The following CTCF variants were observed in gnomAD, a reference collection of about 807,000 sequenced individuals.
CTCF encodes CCCTC-binding factor.
In CTCF, 7 loss-of-function variants were observed where a neutral mutation model predicts 72.3. That is an observed-to-expected ratio of 0.10 (90% CI 0.06 to 0.18). The LOEUF is 0.18. Ranked by LOEUF, CTCF falls within the 10% of genes least tolerant of loss-of-function variation. CTCF has a pLI of 1.00. For missense variants in CTCF, 516 were observed against 949.1 expected (o/e 0.54, Z 6.00); for synonymous variants, 374 against 315.8 (o/e 1.18, Z -1.95).
chr16:67,618,897 AAT>A (rs2142843506), intron 5 of CTCF, among the ~76,000 whole-genome samples: 2 of 152,390 alleles, frequency 1.3e-5, no homozygotes, highest in East Asian at 3.9e-4. Flanking sequence ...CAACTGGAAG[AAT>A]AAATATGAAT....
At chr16:67,583,256 G>A (rs2051615361) in intron 2 of CTCF, among the ~76,000 whole-genome samples, 1 of 151,804 alleles carries the variant, frequency 6.6e-6, no homozygotes, top group Non-Finnish European at 1.5e-5. Context: ...CAAAGTGCTA[G>A]GATTACAGGC....
rs552678253 is a variant in CTCF, at chr16:67,563,026, T to C, written c.-127+302T>C. On this transcript the variant is annotated intron_variant, in intron 1 of 11. Coordinates refer to ENST00000264010, the MANE Select transcript of CTCF (RefSeq NM_006565.4). ...GCGCGCCCGGCGACTCCATTTTCCT[T>C]CCTTTGTCTGCCCTCGAGGCCGGTT... is the stretch of plus-strand genomic sequence containing the variant. Among the ~76,000 whole-genome samples, 3 of 149,596 alleles carry C rather than the reference T, an allele frequency of 2.0e-5. No individual in the cohort carries two copies. The East Asian group carries it at 6.0e-4, about 30-fold the overall frequency.
chr16:67,611,164 G>A lies in CTCF; in HGVS notation c.332G>A (p.Gly111Glu), dbSNP rs2052056734. The A allele has an allele frequency of 6.2e-7, 1 of 1,614,056 alleles. No homozygotes were observed. The highest frequency in any genetic ancestry group is 1.7e-5 in the Admixed American group (1 of 59,988). Residue 111 changes from glycine (G) to glutamate (E), a missense_variant, in exon 3 of 12, where the codon GGA becomes GAA. By Grantham distance (98) the Gly-to-Glu change is moderately conservative. Around this residue, in one of 7 missense-constraint regions of CTCF, gnomAD observed 148 missense variants for 194.9 expected, o/e 0.76. Coordinates refer to ENST00000264010, the MANE Select transcript of CTCF (RefSeq NM_006565.4). Reference protein sequence around the residue: ...VNMEEQPINIGELQLVQVPVP... With the variant: ...VNMEEQPINIEELQLVQVPVP... ...ATGGAGGAACAGCCCATAAACATAG[G>A]AGAACTTCAGCTTGTTCAAGTACCT...
In CTCF at chr16:67,622,078, C is replaced by T. The variant is rs1199758886; in HGVS notation, c.1357+487C>T. On this transcript the variant is annotated intron_variant, in intron 7 of 11. Transcript: ENST00000264010. ...TTTATTAATAATATTTAGTGTAGGC[C>T]GGGCGCGGCAGCTCACACCTGTAAT... Among the ~76,000 whole-genome samples, 5 of 151,928 alleles carry T rather than the reference C, an allele frequency of 3.3e-5. 1 individual carries two copies. The highest frequency in any genetic ancestry group is 2.1e-4 in the South Asian group (1 of 4,818).
At chr16:67,587,582 C>T (rs569500377) in intron 2 of CTCF, among the ~76,000 whole-genome samples, 1 of 150,860 alleles carries the variant, frequency 6.6e-6, no homozygotes, top group East Asian at 2.0e-4. Flanking sequence ...GTCCTTACTA[C>T]CTAGAGATTG....
At chr16:67,600,097 A>G (rs2051866916) in intron 2 of CTCF, among the ~76,000 whole-genome samples, 1 of 152,158 alleles carries the variant, frequency 6.6e-6, no homozygotes, top group African/African-American at 2.4e-5. Context: ...ACTGAGATTT[A>G]GAAAGAGGGA....
In CTCF at chr16:67,621,485, C is replaced by T; in HGVS notation, c.1251C>T (p.Thr417=). ...GTTATATTTGTCATGCTCGGTTTAC[C>T]CAAAGTGGTACCATGAAGATGCACA... The part of the protein sequence containing the change: ...YECYICHARF[T]QSGTMKMHIL... Residue 417 remains threonine (T), a synonymous_variant, in exon 7 of 12, where the codon ACC becomes ACT. Coordinates refer to ENST00000264010, the MANE Select transcript of CTCF (RefSeq NM_006565.4). 3 of 1,611,328 alleles carry T rather than the reference C, an allele frequency of 1.9e-6. No homozygotes were observed. The highest frequency in any genetic ancestry group is 2.5e-6 in the Non-Finnish European group (3 of 1,177,820).
intron 2 of CTCF, among the ~76,000 whole-genome samples, chr16:67,576,770 T>C (rs1187890396): frequency 6.6e-6 from 1 of 152,038 alleles, no homozygotes; most frequent in African/African-American, 2.4e-5. Context: ...GACCTCGTAA[T>C]CCGCCTGCCT....
chr16:67,571,975 G>A (rs140005335), intron 2 of CTCF, among the ~76,000 whole-genome samples: 1,567 of 152,148 alleles, frequency 0.01, 24 homozygotes, highest in Non-Finnish European at 0.017. Context: ...TCTTCTCACG[G>A]TACCGGAAAG....
intron 8 of CTCF, 196 bp downstream of exon 8, chr16:67,626,911 TCA>T: frequency 2.5e-6 from 1 of 398,352 alleles, no homozygotes; most frequent in Non-Finnish European, 4.4e-6. Flanking sequence ...TTTTATTCAG[TCA>T]CAGCTTACCT....
chr16:67,563,579 C>T (rs979921114), intron 1 of CTCF: 2 of 152,226 alleles, frequency 1.3e-5, no homozygotes, highest in Admixed American at 6.5e-5. Context: ...TGCGGCCCCC[C>T]CACGGTGGGC....
At position 67,638,704 on chromosome 16, in the gene CTCF, C is replaced by T. The variant is rs895777519; in HGVS notation, c.*832C>T. 8.8e-6 allele frequency: 2 copies of T among 227,654 alleles called. No individual in the cohort carries two copies. Among genetic ancestry groups the T allele is most frequent in the African/African-American group, 4.4e-5 (2 of 44,984 alleles). The allele number at this position is 227,654 out of a possible 1,614,324, so 14.1% of individuals were successfully genotyped here. ...TTAACTTTCAGTTATGATTTCCCAT[C>T]GACATTTTCTTTGCCCTGTTTGTAG... On this transcript the variant is annotated 3_prime_UTR_variant, in exon 12 of 12. Coordinates refer to ENST00000264010, the MANE Select transcript of CTCF (RefSeq NM_006565.4).
chr16:67,599,720 T>C (rs2051862374), intron 2 of CTCF, among the ~76,000 whole-genome samples: 1 of 152,174 alleles, frequency 6.6e-6, no homozygotes, highest in Admixed American at 6.5e-5. Context: ...TCTTAGGAGC[T>C]CCATTTTATG....
At chr16:67,569,681 A>G (rs1470141197) in intron 1 of CTCF, among the ~76,000 whole-genome samples, 1 of 150,814 alleles carries the variant, frequency 6.6e-6, no homozygotes, top group African/African-American at 2.4e-5. Context: ...TCCTTTTGCC[A>G]GTTATCTTTT....
chr16:67,593,835 G>C (rs1314770161), intron 2 of CTCF, among the ~76,000 whole-genome samples: 3 of 152,222 alleles, frequency 2.0e-5, no homozygotes, highest in Admixed American at 6.6e-5. Context: ...CTCTTCTACT[G>C]TCTTATTCTC....
intron 2 of CTCF, among the ~76,000 whole-genome samples, chr16:67,592,746 C>T (rs147283901): frequency 3.6e-4 from 54 of 150,836 alleles, no homozygotes; most frequent in African/African-American, 1.0e-3. Flanking sequence ...AGAGGCCAGG[C>T]GTTGGTGACT....
chr16:67,577,780 A>G (rs2051519344), intron 2 of CTCF, among the ~76,000 whole-genome samples: 1 of 152,120 alleles, frequency 6.6e-6, no homozygotes, highest in African/African-American at 2.4e-5. Flanking sequence ...CGAGAGGGCC[A>G]CTGGAACAGT....
intron 10 of CTCF, among the ~76,000 whole-genome samples, chr16:67,631,150 G>GTTTTTTTT (rs1472086135): frequency 7.5e-6 from 1 of 132,534 alleles, no homozygotes; most frequent in African/African-American, 3.2e-5. Flanking sequence ...TTTGTTCTTT[G>GTTTTTTTT]TTTGTTTTTT....
In CTCF at chr16:67,611,620, CGAGTT is replaced by C. The variant is rs781408788; in HGVS notation, c.781+8_781+12del. Reference sequence around the variant, plus strand: ...ACAAAAATTAAAAAGAAAGGTAAAACGAGTTTATCCATAGTGGTTTCATAAAACCA... The same window carrying C: ...ACAAAAATTAAAAAGAAAGGTAAAACTATCCATAGTGGTTTCATAAAACCA... On this transcript the variant is annotated splice_region_variant and intron_variant, in intron 3 of 11. Transcript: ENST00000264010. The C allele has an allele frequency of 7.5e-6, 12 of 1,607,176 alleles. No individual in the cohort carries two copies. Among genetic ancestry groups the C allele is most frequent in the African/African-American group, 1.3e-5 (1 of 74,164 alleles).
Sources: gnomAD v4.1 joint callset for allele counts (sites outside exome capture counted in the v4.1 genomes callset) on GRCh38, gnomAD v4.1.1 for gene constraint, gnomAD v4.1.1 regional missense constraint, MANE v1.5 for transcripts, NCBI Gene and HGNC (gene_info 2026-07-23, HGNC 2026-07-21) for gene names.